Variants in CRNKL1 observed in about 807,000 individuals in gnomAD.
CRNKL1 encodes crooked neck pre-mRNA splicing factor 1, also known as crooked neck-like protein 1.
CRNKL1 carries 35 observed loss-of-function variants against 103.7 expected under a neutral mutation model. The ratio of observed to expected loss-of-function variants is 0.34; its 90% CI spans 0.26 to 0.45. The LOEUF (loss-of-function observed/expected upper bound fraction) is 0.45, where lower values mean the gene tolerates loss of function less well. Among genes scored for constraint, CRNKL1 ranks in the 20% least tolerant of loss-of-function variants. The probability of loss-of-function intolerance (pLI) is 1.00; values close to 1 mark genes in which losing one functional copy is unlikely to be tolerated. For synonymous variants in CRNKL1, 267 were observed against 282.6 expected (o/e 0.94, Z 0.55); for missense variants, 645 against 836.0 (o/e 0.77, Z 2.82).
At chr20:20,054,013 G>GTTT (rs1239349657), upstream of CRNKL1, among the ~76,000 whole-genome samples, 93 of 59,074 alleles carry the variant, frequency 1.6e-3, no homozygotes, top group Middle Eastern at 0.012. Flanking sequence ...TTTTTTGTTT[G>GTTT]TTTTTTTTTT....
intron 4 of CRNKL1, 92 bp downstream of exon 4, chr20:20,048,251 A>G (rs980752462): frequency 2.0e-5 from 28 of 1,412,490 alleles, no homozygotes; most frequent in Non-Finnish European, 2.5e-5. Context: ...TAGGATATCA[A>G]ATTAAACTAT....
intron 13 of CRNKL1, among the ~76,000 whole-genome samples, 174 bp from the exon 14 acceptor site, chr20:20,036,536 A>C (rs1193981807): frequency 6.6e-6 from 1 of 152,254 alleles, no homozygotes; most frequent in East Asian, 1.9e-4. Context: ...AGTAAGCAGC[A>C]ACTGTAGCTC....
At chr20:20,050,875 T>C (rs140689546) in intron 1 of CRNKL1, among the ~76,000 whole-genome samples, 5 of 152,340 alleles carry the variant, frequency 3.3e-5, no homozygotes, top group African/African-American at 9.6e-5. Context: ...AATAGCAAGT[T>C]TTCCCTTTTA....
chr20:20,046,139 G>C (rs1474787598), intron 5 of CRNKL1, among the ~76,000 whole-genome samples: 1 of 152,116 alleles, frequency 6.6e-6, no homozygotes, highest in Non-Finnish European at 1.5e-5. Context: ...ATATGGCAAA[G>C]AAGAGCATCA....
intron 2 of CRNKL1, 101 bp from the exon 3 acceptor site, chr20:20,049,532 G>A (rs2146503394): frequency 1.6e-6 from 1 of 628,428 alleles, no homozygotes; most frequent in Non-Finnish European, 2.8e-6. Flanking sequence ...TATTCATTTT[G>A]TTCATATTTA....
chr20:20,054,748 TGTCA>T (rs2044164266), upstream of CRNKL1, among the ~76,000 whole-genome samples: 1 of 152,250 alleles, frequency 6.6e-6, no homozygotes, highest in South Asian at 2.1e-4. Context: ...AGAAATATTC[TGTCA>T]GTCTAATTAT....
At chr20:20,052,099 A>C (rs2043763767) in intron 1 of CRNKL1, among the ~76,000 whole-genome samples, 193 bp downstream of exon 1, 1 of 152,084 alleles carries the variant, frequency 6.6e-6, no homozygotes, top group Non-Finnish European at 1.5e-5. Context: ...CCCCAGAACG[A>C]AGGCCACGCC....
At chr20:20,048,275 A>T in intron 4 of CRNKL1, 68 bp downstream of exon 4, 1 of 1,539,010 alleles carries the variant, frequency 6.5e-7, no homozygotes, top group South Asian at 1.2e-5. Context: ...CATGTAAATA[A>T]AATAAATACA....
chr20:20,035,126 C>G lies in CRNKL1; in HGVS notation c.*1069G>C, dbSNP rs1044512649. On this transcript the variant is annotated 3_prime_UTR_variant, in exon 14 of 14. Coordinates refer to ENST00000536226, the MANE Select transcript of CRNKL1 (RefSeq NM_001278628.2). ...TAGAGCTACCTTAGGTGTTTCTACA[C>G]ATGCTCTAAACCAAGAGTAAGTTTA... The G allele has an allele frequency of 6.6e-6, 1 of 152,200 alleles. No homozygotes were observed. The highest frequency in any genetic ancestry group is 2.4e-5 in the African/African-American group (1 of 41,446). 9.4% of individuals were successfully genotyped at this position (152,200 alleles called of 1,614,324 possible).
At position 20,048,520 on chromosome 20, in the gene CRNKL1, C is replaced by T. The variant is rs201338599; in HGVS notation, c.297-19G>A. 89 of 1,612,358 alleles carry T rather than the reference C, an allele frequency of 5.5e-5. No individual in the cohort carries two copies. In the African/African-American group the frequency reaches 1.1e-3, roughly 20 times the overall value. ...TCGAGCCCTTAAGAAGCAAGATTTG[C>T]AGGGCATCAAAAATAGAGCATTCAA... On this transcript the variant is annotated intron_variant, in intron 3 of 13. Coordinates refer to ENST00000536226, the MANE Select transcript of CRNKL1 (RefSeq NM_001278628.2).
chr20:20,055,065 T>C (rs1264248631), upstream of CRNKL1, among the ~76,000 whole-genome samples: 1 of 152,202 alleles, frequency 6.6e-6, no homozygotes, highest in Non-Finnish European at 1.5e-5. Context: ...TCTTCCAGTT[T>C]ATTTTCTTTA....
intron 12 of CRNKL1, 110 bp from the exon 13 acceptor site, chr20:20,037,681 AT>A: frequency 1.0e-6 from 1 of 975,824 alleles, no homozygotes; most frequent in Non-Finnish European, 1.5e-6. Flanking sequence ...TAATGTGTGC[AT>A]CACTAATGTT....
At chr20:20,048,978 A>C (rs1447132120) in intron 3 of CRNKL1, among the ~76,000 whole-genome samples, 1 of 151,998 alleles carries the variant, frequency 6.6e-6, no homozygotes, top group African/African-American at 2.4e-5. Flanking sequence ...AGAAAGCTAG[A>C]CCACAGGAAG....
intron 5 of CRNKL1, among the ~76,000 whole-genome samples, chr20:20,046,549 G>A (rs1390934055): frequency 1.3e-5 from 2 of 152,154 alleles, no homozygotes; most frequent in African/African-American, 4.8e-5. Context: ...CTGCTCCTAG[G>A]AGAAACGTGT....
intron 7 of CRNKL1, among the ~76,000 whole-genome samples, chr20:20,042,863 A>T (rs2043537793): frequency 6.6e-6 from 1 of 152,240 alleles, no homozygotes; most frequent in Non-Finnish European, 1.5e-5. Flanking sequence ...GAATCGTATC[A>T]TGCTCACAAT....
intron 2 of CRNKL1, 69 bp downstream of exon 2, chr20:20,050,401 G>A (rs2043669518): frequency 7.1e-7 from 1 of 1,407,334 alleles, no homozygotes; most frequent in Non-Finnish European, 9.7e-7. Flanking sequence ...TCCAACCAAT[G>A]AGGAGCTTTT....
chr20:20,050,482 T>A lies in CRNKL1; in HGVS notation c.192A>T (p.Leu64=). 3 of 1,613,328 alleles carry A rather than the reference T, an allele frequency of 1.9e-6. No homozygotes were observed. The highest frequency in any genetic ancestry group is 2.5e-6 in the Non-Finnish European group (3 of 1,179,744). ...TDEEELNDYK[L]RKRKTFEDNI... ...CACACTGACTGACCTTCCTTTTCCT[T>A]AGTTTATAATCATTTAATTCTTCTT... The change falls in exon 2 of 14, where the codon CTA becomes CTT. Residue 64 remains leucine, a synonymous_variant. Coordinates refer to ENST00000536226, the MANE Select transcript of CRNKL1 (RefSeq NM_001278628.2).
Position 20,040,756 on chromosome 20 carries a change from G to T in CRNKL1, c.1235C>A (p.Ala412Asp). Residue 412 changes from alanine (A) to aspartate (D), a missense_variant, in exon 10 of 14, where the codon GCC becomes GAC. Ala to Asp is a moderately radical substitution (Grantham distance 126). Around this residue, in one of 2 missense-constraint regions of CRNKL1, gnomAD observed 582 missense variants for 707.7 expected, o/e 0.82. Coordinates refer to ENST00000536226, the MANE Select transcript of CRNKL1 (RefSeq NM_001278628.2). Reference protein sequence around the residue: ...ELIPHKKFTFAKMWILYAQFE... With the variant: ...ELIPHKKFTFDKMWILYAQFE... ...CTGTGCATACAGTATCCACATTTTG[G>T]CAAATGTGAACTAGAAAACAAAAGC... 1 of 1,606,732 alleles carries T rather than the reference G, an allele frequency of 6.2e-7. No homozygotes were observed.
intron 2 of CRNKL1, 132 bp downstream of exon 2, chr20:20,050,338 A>G (rs984352650): frequency 1.5e-6 from 1 of 655,186 alleles, no homozygotes; most frequent in Non-Finnish European, 2.5e-6. Context: ...TGGTAACCAG[A>G]AGTACATTAT....
Sources: allele counts gnomAD v4.1 joint callset (sites outside exome capture counted in the v4.1 genomes callset), GRCh38; gene constraint gnomAD v4.1.1; regional missense constraint gnomAD v4.1.1; transcripts MANE v1.5; gene names NCBI Gene and HGNC (gene_info 2026-07-23, HGNC 2026-07-21).